ABCG4: variants seen among roughly 807,000 people sequenced by gnomAD.
ABCG4 encodes the protein ATP binding cassette subfamily G member 4, also known as ATP-binding cassette sub-family G member 4.
Under a neutral mutation model 64.6 loss-of-function variants are expected in ABCG4, and 35 were observed. That is an observed-to-expected ratio of 0.54 (90% CI 0.41 to 0.72). The LOEUF is 0.72. Ranked by LOEUF, ABCG4 falls within the 30% of genes least tolerant of loss-of-function variation. The pLI, the probability that ABCG4 is intolerant of heterozygous loss-of-function variation, is 0.00. For synonymous variants in ABCG4, 326 were observed against 348.2 expected, an observed-to-expected ratio of 0.94 and a Z score of 0.71; for missense variants, 610 against 846.3, an observed-to-expected ratio of 0.72 and a Z score of 3.46.
chr11:119,158,878 C>G lies in ABCG4; in HGVS notation c.1386C>G (p.Tyr462Ter). 1 of 1,614,232 alleles carries G rather than the reference C, an allele frequency of 6.2e-7. No homozygotes were observed. Among genetic ancestry groups the G allele is most frequent in the Non-Finnish European group, 8.5e-7 (1 of 1,180,042 alleles). ...TGAGGGAGCACCTCAACTACTGGTACAGCCTCAAAGCGTATTACCTGGCCA... is the reference window on the plus strand; with the variant it reads ...TGAGGGAGCACCTCAACTACTGGTAGAGCCTCAAAGCGTATTACCTGGCCA... ...VFMREHLNYW[Y>*]SLKAYYLAKT... Residue 462 changes from tyrosine to a stop codon, truncating the protein, a stop_gained, in exon 12 of 15, where the codon TAC becomes TAG. Coordinates refer to ENST00000619701, the MANE Select transcript of ABCG4 (RefSeq NM_022169.5). LOFTEE classifies it high-confidence loss of function. The surrounding 1 kb of genome is among the most constrained non-coding windows in gnomAD (Gnocchi z 4.5).
chr11:119,150,247 G>C lies in ABCG4; in HGVS notation c.238+44G>C, dbSNP rs1948178062. The C allele has an allele frequency of 6.3e-7, 1 of 1,592,824 alleles. No homozygotes were observed. The highest frequency in any genetic ancestry group is 8.6e-7 in the Non-Finnish European group (1 of 1,167,038). On this transcript the variant is annotated intron_variant, in intron 2 of 14. Coordinates refer to ENST00000619701, the MANE Select transcript of ABCG4 (RefSeq NM_022169.5). This position sits in a 1 kb window ranked among gnomAD's most constrained non-coding sequence, Gnocchi z 4.3. ...GGGGGAGTCCGTGGGCCCTCTCTGAGTTGCCTCTCCAGAAGCATGAGGCCT... is the reference window on the plus strand; with the variant it reads ...GGGGGAGTCCGTGGGCCCTCTCTGACTTGCCTCTCCAGAAGCATGAGGCCT...
At position 119,161,036 on chromosome 11, in the gene ABCG4, G is replaced by A; in HGVS notation, c.1871G>A (p.Gly624Asp). Residue 624 changes from glycine (G) to aspartate (D), a missense_variant, in exon 15 of 15, where the codon GGC becomes GAC. By Grantham distance (94) the Gly-to-Asp change is moderately conservative. Transcript: ENST00000619701. Reference protein sequence around the residue: ...AKLYMDFLVLGIFFLALRLLA... With the variant: ...AKLYMDFLVLDIFFLALRLLA... ...CTCTACATGGACTTCCTGGTCTTGG[G>A]CATCTTCTTCCTAGCCCTGCGGCTG... The A allele has an allele frequency of 6.2e-7, 1 of 1,614,076 alleles. No individual in the cohort carries two copies. Among genetic ancestry groups the A allele is most frequent in the Non-Finnish European group, 8.5e-7 (1 of 1,179,982 alleles).
In ABCG4 at chr11:119,150,070, G is replaced by A. The variant is rs1323563990; in HGVS notation, c.105G>A (p.Thr35=). 2.5e-6 allele frequency: 4 copies of A among 1,613,986 alleles called. No individual in the cohort carries two copies. Among genetic ancestry groups the A allele is most frequent in the African/African-American group, 1.3e-5 (1 of 74,934 alleles). Reference sequence around the variant, plus strand: ...GGGCGGAACCCCCTGTGCTGACCACGCACCTGAAGAAGGTGGAGAACCACA... The same window carrying A: ...GGGCGGAACCCCCTGTGCTGACCACACACCTGAAGAAGGTGGAGAACCACA... The part of the protein sequence containing the change: ...EDGAEPPVLT[T]HLKKVENHIT... Residue 35 remains threonine (T), a synonymous_variant, in exon 2 of 15, where the codon ACG becomes ACA. Transcript: ENST00000619701. The surrounding 1 kb of genome is among the most constrained non-coding windows in gnomAD (Gnocchi z 4.3).
In ABCG4 at chr11:119,149,906, G is replaced by GC; in HGVS notation, c.-12-46dup. 1 of 1,558,856 alleles carries GC rather than the reference G, an allele frequency of 6.4e-7. No individual in the cohort carries two copies. Among genetic ancestry groups the GC allele is most frequent in the Non-Finnish European group, 8.6e-7 (1 of 1,158,092 alleles). ...GCATTAGAACGCCAGGGAGCTTTGA[G>GC]CCGGGCTCGGTGGTCTGCCCCAAAC... On this transcript the variant is annotated intron_variant, in intron 1 of 14. Coordinates refer to ENST00000619701, the MANE Select transcript of ABCG4 (RefSeq NM_022169.5). The surrounding 1 kb of genome is among the most constrained non-coding windows in gnomAD (Gnocchi z 8.3).
At position 119,162,085 on chromosome 11, in the gene ABCG4, ACCT is replaced by A. The variant is rs1948362458; in HGVS notation, c.*986_*988del. 1.3e-5 allele frequency: 2 copies of A among 152,734 alleles called. No homozygotes were observed. Among genetic ancestry groups the A allele is most frequent in the Admixed American group, 1.3e-4 (2 of 15,246 alleles). The allele number at this position is 152,734 out of a possible 1,614,324, so 9.5% of individuals were successfully genotyped here. A position where few individuals can be genotyped will look rare whatever the true frequency, so the allele number is the denominator to read the frequency against. On this transcript the variant is annotated 3_prime_UTR_variant, in exon 15 of 15. Transcript: ENST00000619701. ...GGGTGCTGGTGGGAGGACAGTGCCA[ACCT>A]CCTCCTGGGGATCCCATGTTGGAGA...
At chr11:119,153,997 A>G (rs770671969) in intron 2 of ABCG4, 29 bp from the exon 3 acceptor site, 49 of 1,600,878 alleles carry the variant, frequency 3.1e-5, no homozygotes, top group Non-Finnish European at 4.2e-5. Flanking sequence ...CTGCAGCCTG[A>G]CTAAAAATTC....
Position 119,160,704 on chromosome 11 carries a change from GTC to G in ABCG4, c.1715+49_1715+50del. On this transcript the variant is annotated intron_variant, in intron 14 of 14. Coordinates refer to ENST00000619701, the MANE Select transcript of ABCG4 (RefSeq NM_022169.5). This position sits in a 1 kb window ranked among gnomAD's most constrained non-coding sequence, Gnocchi z 4.6. ...TTGGCCTCTGCTCCTCCCTGGAGGAGTCCATACCCAGGGCTTCCTGGGTTGTG... is the reference window on the plus strand; with the variant it reads ...TTGGCCTCTGCTCCTCCCTGGAGGAGCATACCCAGGGCTTCCTGGGTTGTG... 1 of 1,571,856 alleles carries G rather than the reference GTC, an allele frequency of 6.4e-7. No homozygotes were observed. The highest frequency in any genetic ancestry group is 8.8e-7 in the Non-Finnish European group (1 of 1,142,566).
At chr11:119,159,066 A>G in intron 12 of ABCG4, 137 bp downstream of exon 12, 1 of 819,584 alleles carries the variant, frequency 1.2e-6, no homozygotes. Flanking sequence ...GATGGTGAGT[A>G]CCTGTCATAG....
In ABCG4 at chr11:119,156,299, G is replaced by T. The variant is rs200030171; in HGVS notation, c.687-30G>T. 1.7e-4 allele frequency: 281 copies of T among 1,613,884 alleles called. No homozygotes were observed. Among genetic ancestry groups the T allele is most frequent in the Non-Finnish European group, 2.3e-4 (270 of 1,179,854 alleles). ...CTTCTTTTGGCCTCACCCACCTCAC[G>T]TGGCCCCCTGGTGGCCTCTCTCTGG... On this transcript the variant is annotated intron_variant, in intron 6 of 14. Transcript: ENST00000619701. This position sits in a 1 kb window ranked among gnomAD's most constrained non-coding sequence, Gnocchi z 5.5.
At position 119,160,237 on chromosome 11, in the gene ABCG4, C is replaced by T. The variant is rs747370851; in HGVS notation, c.1448C>T (p.Pro483Leu). 27 of 1,609,888 alleles carry T rather than the reference C, an allele frequency of 1.7e-5. No individual in the cohort carries two copies. The highest frequency in any genetic ancestry group is 2.0e-5 in the Non-Finnish European group (23 of 1,177,070). Residue 483 changes from proline to leucine, a missense_variant, in exon 13 of 15, where the codon CCG (proline) becomes CTG (leucine). Physicochemically the swap from Pro to Leu is moderately conservative, Grantham distance 98. Transcript: ENST00000619701. The surrounding 1 kb of genome is among the most constrained non-coding windows in gnomAD (Gnocchi z 4.6). ...GTGCCCACTCCCCAGGTGGTGTGTC[C>T]GGTGGTCTACTGCAGCATTGTGTAC... ...MADVPFQVVC[P>L]VVYCSIVYWM...
Position 119,158,277 on chromosome 11 carries a change from TCA to T in ABCG4, c.1117_1118del (p.Gln373ValfsTer102). The T allele has an allele frequency of 6.2e-7, 1 of 1,611,882 alleles. No individual in the cohort carries two copies. Among genetic ancestry groups the T allele is most frequent in the East Asian group, 2.2e-5 (1 of 44,798 alleles). On this transcript the variant is annotated frameshift_variant, in exon 10 of 15. Coordinates refer to ENST00000619701, the MANE Select transcript of ABCG4 (RefSeq NM_022169.5). LOFTEE classifies it high-confidence loss of function. The surrounding 1 kb of genome is among the most constrained non-coding windows in gnomAD (Gnocchi z 4.5). ...AGCCACACCTTTGCCACCAGCACCCTCACACAGTTCTGCATCCTCTTCAAGAG... is the reference window on the plus strand; with the variant it reads ...AGCCACACCTTTGCCACCAGCACCCTCACAGTTCTGCATCCTCTTCAAGAG...
Position 119,154,418 on chromosome 11 carries a change from TC to T in ABCG4, c.489+29del, listed in dbSNP as rs1948237418. The T allele has an allele frequency of 6.2e-6, 10 of 1,614,082 alleles. No homozygotes were observed. The highest frequency in any genetic ancestry group is 8.5e-6 in the Non-Finnish European group (10 of 1,179,986). On this transcript the variant is annotated intron_variant, in intron 4 of 14. Transcript: ENST00000619701. This position sits in a 1 kb window ranked among gnomAD's most constrained non-coding sequence, Gnocchi z 7.0. Reference sequence around the variant, plus strand: ...GTGAGGGCTGGATAGTCACCCCTCCTCCCAGCAACCCCCTCTGTCTGCTGTC... The same window carrying T: ...GTGAGGGCTGGATAGTCACCCCTCCTCCAGCAACCCCCTCTGTCTGCTGTC...
Position 119,154,592 on chromosome 11 carries a change from G to A in ABCG4, c.540+17G>A, listed in dbSNP as rs1410041794. 6 of 1,611,942 alleles carry A rather than the reference G, an allele frequency of 3.7e-6. No individual in the cohort carries two copies. In the South Asian group the frequency reaches 5.5e-5, roughly 15 times the overall value. On this transcript the variant is annotated intron_variant, in intron 5 of 14. Transcript: ENST00000619701. The surrounding 1 kb of genome is among the most constrained non-coding windows in gnomAD (Gnocchi z 7.0). The stretch of plus-strand genomic sequence containing the variant: ...AAGGAGCTGGTGAGTGGGGAAGGGA[G>A]GCAGTGGGACCACTCCCTTTTGTGG...
chr11:119,155,926 G>A lies in ABCG4; in HGVS notation c.687-403G>A, dbSNP rs747235115. Reference sequence around the variant, plus strand: ...CTGCTTAGCTCTTACTCCTGGGCTCGCTCAGGAACCTTCTCTGACTACCCT... The same window carrying A: ...CTGCTTAGCTCTTACTCCTGGGCTCACTCAGGAACCTTCTCTGACTACCCT... On this transcript the variant is annotated intron_variant, in intron 6 of 14. Coordinates refer to ENST00000619701, the MANE Select transcript of ABCG4 (RefSeq NM_022169.5). The surrounding 1 kb of genome is among the most constrained non-coding windows in gnomAD (Gnocchi z 4.5). The A allele has an allele frequency of 4.8e-5, 10 of 208,846 alleles. No individual in the cohort carries two copies. Among genetic ancestry groups the A allele is most frequent in the East Asian group, 1.2e-4 (1 of 8,062 alleles). 12.9% of individuals were successfully genotyped at this position (208,846 alleles called of 1,614,324 possible).
In ABCG4 at chr11:119,149,867, TG is replaced by T; in HGVS notation, c.-12-82del. 1 of 1,453,860 alleles carries T rather than the reference TG, an allele frequency of 6.9e-7. No individual in the cohort carries two copies. The highest frequency in any genetic ancestry group is 9.0e-7 in the Non-Finnish European group (1 of 1,107,268). The allele number at this position is 1,453,860 out of a possible 1,614,324, so 90.1% of individuals were successfully genotyped here. ...TCTGCCCCGAGAAGGAGGTGGGCAGTGGGGGCGGGGGAAGCATTAGAACGCC... is the reference window on the plus strand; with the variant it reads ...TCTGCCCCGAGAAGGAGGTGGGCAGTGGGGCGGGGGAAGCATTAGAACGCC... On this transcript the variant is annotated intron_variant, in intron 1 of 14. Coordinates refer to ENST00000619701, the MANE Select transcript of ABCG4 (RefSeq NM_022169.5). The surrounding 1 kb of genome is among the most constrained non-coding windows in gnomAD (Gnocchi z 8.3).
rs1948368775 is a variant in ABCG4 at position 119,162,533 on chromosome 11, T to A, written c.*1427T>A. On this transcript the variant is annotated 3_prime_UTR_variant, in exon 15 of 15. Transcript: ENST00000619701. ...CCCCAGGGCTCATTTTCCCCCTTTT[T>A]CCTGTACACATCCCTGTCTACCTCC... 1 of 152,290 alleles carries A rather than the reference T, an allele frequency of 6.6e-6. No individual in the cohort carries two copies. The highest frequency in any genetic ancestry group is 2.1e-4 in the South Asian group (1 of 4,826). The allele number at this position is 152,290 out of a possible 1,614,324, so 9.4% of individuals were successfully genotyped here.
chr11:119,154,462 C>G lies in ABCG4; in HGVS notation c.490-63C>G. On this transcript the variant is annotated intron_variant, in intron 4 of 14. Transcript: ENST00000619701. The surrounding 1 kb of genome is among the most constrained non-coding windows in gnomAD (Gnocchi z 7.0). ...CTGCTGTCGCCACCTTCACCATTGG[C>G]GGAGGGTTCAAGGCAGAGCTCCCTC... The G allele has an allele frequency of 4.3e-6, 7 of 1,613,968 alleles. No individual in the cohort carries two copies. The South Asian group carries it at 6.6e-5, about 15-fold the overall frequency.
chr11:119,158,830 C>G lies in ABCG4; in HGVS notation c.1338C>G (p.Phe446Leu), dbSNP rs1348320077. The change falls in exon 12 of 15, where the codon TTC (phenylalanine) becomes TTG (leucine). Residue 446 changes from phenylalanine (F) to leucine (L), a missense_variant and splice_region_variant. Physicochemically the swap from Phe to Leu is conservative, Grantham distance 22. Coordinates refer to ENST00000619701, the MANE Select transcript of ABCG4 (RefSeq NM_022169.5). This position sits in a 1 kb window ranked among gnomAD's most constrained non-coding sequence, Gnocchi z 4.5. ...FAALMPTVLT[F>L]PLEMAVFMRE... ...TGCCTAAGCAGCCTGTGTCCTCAGT[C>G]CCCTTAGAGATGGCGGTCTTCATGA... The G allele has an allele frequency of 6.2e-7, 1 of 1,614,034 alleles. No individual in the cohort carries two copies. The highest frequency in any genetic ancestry group is 1.7e-5 in the Admixed American group (1 of 60,006).
chr11:119,149,798 G>GAGAGTGGGGGGCGGGGGC lies in ABCG4; in HGVS notation c.-12-149_-12-132dup. On this transcript the variant is annotated intron_variant, in intron 1 of 14. Coordinates refer to ENST00000619701, the MANE Select transcript of ABCG4 (RefSeq NM_022169.5). This position sits in a 1 kb window ranked among gnomAD's most constrained non-coding sequence, Gnocchi z 8.3. ...GCCCGGGACTGAGCGTCTCCGTGCG[G>GAGAGTGGGGGGCGGGGGC]AGAGTGGGGGGCGGGGGCAGAGTGC... 8.1e-7 allele frequency: 1 copy of GAGAGTGGGGGGCGGGGGC among 1,228,814 alleles called. No individual in the cohort carries two copies. Among genetic ancestry groups the GAGAGTGGGGGGCGGGGGC allele is most frequent in the Non-Finnish European group, 1.1e-6 (1 of 909,074 alleles). 76.1% of individuals were successfully genotyped at this position (1,228,814 alleles called of 1,614,324 possible). A position where few individuals can be genotyped will look rare whatever the true frequency, so the allele number is the denominator to read the frequency against.
Sources: allele counts gnomAD v4.1 joint callset, GRCh38; gene constraint gnomAD v4.1.1; non-coding constraint Gnocchi (gnomAD v3.1); transcripts MANE v1.5; gene names NCBI Gene and HGNC (gene_info 2026-07-23, HGNC 2026-07-21).